Variants in ENTREP2 observed in about 807,000 individuals in gnomAD.
ENTREP2 encodes endosomal transmembrane epsin interactor 2, also known as protein ENTREP2.
chr15:29,598,683 T>C, the ENTREP2 span, among the ~76,000 whole-genome samples: 1 of 128,118 alleles, frequency 7.8e-6, no homozygotes, highest in African/African-American at 2.8e-5. Context: ...ACCTAAAATC[T>C]TTTTTTTCTT....
the ENTREP2 span, among the ~76,000 whole-genome samples, chr15:29,657,483 C>CGGGGCGGGGGG: frequency 2.2e-4 from 15 of 69,420 alleles, no homozygotes; most frequent in African/African-American, 7.8e-4. Context: ...GCTGGGGGGG[C>CGGGGCGGGGGG]GGGGGGGGGG....
the ENTREP2 span, among the ~76,000 whole-genome samples, chr15:29,204,837 A>C: frequency 6.6e-6 from 1 of 152,210 alleles, no homozygotes; most frequent in Non-Finnish European, 1.5e-5. Flanking sequence ...ACAACATAAA[A>C]TTTACCATCT....
chr15:29,407,082 T>G, the ENTREP2 span, among the ~76,000 whole-genome samples: 10 of 152,172 alleles, frequency 6.6e-5, no homozygotes, highest in Admixed American at 5.9e-4. Context: ...AAGTGCGCCC[T>G]TAGGTGAGTC....
chr15:29,345,918 G>A, the ENTREP2 span, among the ~76,000 whole-genome samples: 1 of 152,180 alleles, frequency 6.6e-6, no homozygotes, highest in Non-Finnish European at 1.5e-5. Context: ...TTACCTGCCA[G>A]ACACCAACCT....
the ENTREP2 span, among the ~76,000 whole-genome samples, chr15:29,224,754 C>T: frequency 2.6e-5 from 4 of 152,212 alleles, no homozygotes; most frequent in Admixed American, 6.5e-5. Flanking sequence ...GGCACCGGGC[C>T]GCAGGTGGAG....
chr15:29,545,422 C>T, the ENTREP2 span, among the ~76,000 whole-genome samples: 1 of 152,132 alleles, frequency 6.6e-6, no homozygotes, highest in Non-Finnish European at 1.5e-5. Flanking sequence ...AAAGAGATAA[C>T]AGAAAACATT....
the ENTREP2 span, among the ~76,000 whole-genome samples, chr15:29,232,992 C>T: frequency 7.9e-5 from 12 of 152,328 alleles, no homozygotes; most frequent in African/African-American, 2.9e-4. Context: ...GTCTTCCTAT[C>T]TCCAACCTTT....
chr15:29,466,862 G>A, the ENTREP2 span, among the ~76,000 whole-genome samples: 5 of 137,766 alleles, frequency 3.6e-5, no homozygotes, highest in South Asian at 4.7e-4. Context: ...GCCCAGGGGA[G>A]GATGCTGCAG....
At chr15:29,427,275 T>A in the ENTREP2 span, among the ~76,000 whole-genome samples, 1 of 152,154 alleles carries the variant, frequency 6.6e-6, no homozygotes, top group Non-Finnish European at 1.5e-5. Flanking sequence ...TCCTCCACTG[T>A]TCATACGAAT....
the ENTREP2 span, chr15:29,196,818 A>G: frequency 2.6e-6 from 1 of 384,158 alleles, no homozygotes; most frequent in Non-Finnish European, 4.7e-6. Context: ...CATTAGAGAA[A>G]ATGGCAGGTG....
the ENTREP2 span, among the ~76,000 whole-genome samples, chr15:29,621,416 G>A: frequency 2.4e-4 from 36 of 150,492 alleles, no homozygotes; most frequent in African/African-American, 8.6e-4. Flanking sequence ...CCAGCTACTC[G>A]GGAGGCTGAG....
the ENTREP2 span, among the ~76,000 whole-genome samples, chr15:29,629,911 A>T: frequency 6.6e-6 from 1 of 152,032 alleles, no homozygotes; most frequent in Non-Finnish European, 1.5e-5. Flanking sequence ...GGGGCCAGGA[A>T]TTCGAGACCA....
the ENTREP2 span, among the ~76,000 whole-genome samples, chr15:29,402,676 G>C: frequency 6.6e-6 from 1 of 152,152 alleles, no homozygotes; most frequent in Admixed American, 6.5e-5. Flanking sequence ...GGAAAAGCAG[G>C]TTGCAAAATG....
the ENTREP2 span, among the ~76,000 whole-genome samples, chr15:29,298,010 T>C: frequency 1.3e-5 from 2 of 152,130 alleles, no homozygotes; most frequent in Non-Finnish European, 2.9e-5. Flanking sequence ...TGACCACACA[T>C]GGGGCAGAAA....
the ENTREP2 span, among the ~76,000 whole-genome samples, chr15:29,300,366 CATGG>C: frequency 1.9e-5 from 2 of 106,966 alleles, no homozygotes; most frequent in Non-Finnish European, 3.7e-5. Flanking sequence ...TGGGTAAATG[CATGG>C]ATGGATGGAT....
the ENTREP2 span, among the ~76,000 whole-genome samples, chr15:29,238,417 G>A: frequency 6.6e-6 from 1 of 152,068 alleles, no homozygotes; most frequent in African/African-American, 2.4e-5. Flanking sequence ...CAGATCACAA[G>A]GTCAGAAGAT....
At chr15:29,349,886 C>A in the ENTREP2 span, among the ~76,000 whole-genome samples, 1 of 151,686 alleles carries the variant, frequency 6.6e-6, no homozygotes, top group South Asian at 2.1e-4. Flanking sequence ...GGTGACAGAG[C>A]GAGACTCTGT....
chr15:29,170,572 C>T, the ENTREP2 span, among the ~76,000 whole-genome samples: 1 of 151,724 alleles, frequency 6.6e-6, no homozygotes, highest in Non-Finnish European at 1.5e-5. Flanking sequence ...ACAAAGACCA[C>T]AACAAGACTG....
chr15:29,490,293 G>A, the ENTREP2 span, among the ~76,000 whole-genome samples: 13 of 152,290 alleles, frequency 8.5e-5, no homozygotes, highest in African/African-American at 1.7e-4. Context: ...GCAGAACTTC[G>A]CTGTGAGTAT....
Sources: gnomAD v4.1 joint callset for allele counts (sites outside exome capture counted in the v4.1 genomes callset) on GRCh38, gnomAD v4.1.1 for gene constraint, MANE v1.5 for transcripts, NCBI Gene and HGNC (gene_info 2026-07-23, HGNC 2026-07-21) for gene names.